The following KCNA2 variants were observed in gnomAD, a reference collection of about 807,000 sequenced individuals.
KCNA2 encodes the protein potassium voltage-gated channel subfamily A member 2.
A neutral mutation model predicts 33.4 loss-of-function variants in KCNA2; 11 were observed. The observed-to-expected ratio is 0.33, with a 90% CI of 0.21 to 0.55. The LOEUF (loss-of-function observed/expected upper bound fraction) is 0.55. KCNA2 is among the 20% of genes least tolerant of loss of function. The pLI is 0.93. For missense variants in KCNA2, 291 were observed against 621.6 expected, an observed-to-expected ratio of 0.47 and a Z score of 5.66; for synonymous variants, 222 against 231.3, an observed-to-expected ratio of 0.96 and a Z score of 0.37.
Position 110,597,926 on chromosome 1 carries a change from C to T in KCNA2, c.*5357G>A. The T allele has an allele frequency of 1.0e-6, 1 of 985,372 alleles. No homozygotes were observed. Among genetic ancestry groups the T allele is most frequent in the Non-Finnish European group, 1.2e-6 (1 of 829,926 alleles). The allele number at this position is 985,372 out of a possible 1,614,324, so 61.0% of individuals were successfully genotyped here. A position where few individuals can be genotyped will look rare whatever the true frequency, so the allele number is the denominator to read the frequency against. The stretch of plus-strand genomic sequence containing the variant: ...TAGTTTGAGGAAGAGAACCTTCCTG[C>T]ATGTAGGGGAGCCCCTACCTCCATC... On this transcript the variant is annotated 3_prime_UTR_variant, in exon 3 of 3. Coordinates refer to ENST00000316361, the MANE Select transcript of KCNA2 (RefSeq NM_004974.4).
chr1:110,617,413 T>G (rs570926979), intron 1 of KCNA2, among the ~76,000 whole-genome samples: 1 of 152,148 alleles, frequency 6.6e-6, no homozygotes, highest in South Asian at 2.1e-4. Flanking sequence ...CTTGAAGTCA[T>G]GCTGAGGAGT....
chr1:110,618,222 C>T (rs1455733901), intron 1 of KCNA2, among the ~76,000 whole-genome samples: 1 of 152,200 alleles, frequency 6.6e-6, no homozygotes, highest in Non-Finnish European at 1.5e-5. Flanking sequence ...TGGCACCCAC[C>T]TGTAGTCTTA....
rs373029836 is a variant in KCNA2, at chr1:110,619,512, G to C, written c.-496+11883C>G. ...AAGACAGACGCACGAGCTGCCACTG[G>C]CCGCCAGGGGGCGCCACATGCAGCG... On this transcript the variant is annotated intron_variant, in intron 1 of 4. Transcript: ENST00000369770. Among the ~76,000 whole-genome samples the C allele has an allele frequency of 1.6e-3, 243 of 152,350 alleles. 2 individuals carry two copies. The highest frequency in any genetic ancestry group is 5.7e-3 in the African/African-American group (235 of 41,584).
At chr1:110,611,036 G>GGAAGGAAGGAAA (rs1649852372), upstream of KCNA2, among the ~76,000 whole-genome samples, 1 of 142,542 alleles carries the variant, frequency 7.0e-6, no homozygotes, top group Non-Finnish European at 1.6e-5. Flanking sequence ...AAGGAAGGAA[G>GGAAGGAAGGAAA]GAAGGAAGGA....
chr1:110,614,981 A>C (rs1016312799), intron 1 of KCNA2, among the ~76,000 whole-genome samples: 9 of 152,266 alleles, frequency 5.9e-5, no homozygotes, highest in African/African-American at 2.2e-4. Context: ...TCCTGCAAAC[A>C]TTCCAAACAG....
chr1:110,607,360 T>C (rs1019011782), upstream of KCNA2: 6 of 150,806 alleles, frequency 4.0e-5, no homozygotes, highest in African/African-American at 1.5e-4. Context: ...GAGCCGGCTC[T>C]GCAGTCCCGC....
Position 110,601,323 on chromosome 1 carries a change from A to G in KCNA2, c.*1960T>C. 1 of 985,406 alleles carries G rather than the reference A, an allele frequency of 1.0e-6. No homozygotes were observed. The highest frequency in any genetic ancestry group is 1.2e-6 in the Non-Finnish European group (1 of 829,914). 61.0% of individuals were successfully genotyped at this position (985,406 alleles called of 1,614,324 possible). On this transcript the variant is annotated 3_prime_UTR_variant, in exon 3 of 3. Coordinates refer to ENST00000316361, the MANE Select transcript of KCNA2 (RefSeq NM_004974.4). ...GTCCAGATCAGTGGAATTTGGTCCC[A>G]GGGAGTCCTACTCCTTGGTGTCCTT...
rs1230139562 is a variant in KCNA2 at position 110,599,289 on chromosome 1, T to C, written c.*3994A>G. The C allele has an allele frequency of 1.2e-5, 12 of 983,752 alleles. No individual in the cohort carries two copies. In the South Asian group the frequency reaches 3.3e-4, roughly 27 times the overall value. 60.9% of individuals were successfully genotyped at this position (983,752 alleles called of 1,614,324 possible). A position where few individuals can be genotyped will look rare whatever the true frequency, so the allele number is the denominator to read the frequency against. The stretch of plus-strand genomic sequence containing the variant: ...AACCAGCTCCAAGAGTAATCCAAAA[T>C]GGTGGGTAATCTTAGAAAGTATTTA... On this transcript the variant is annotated 3_prime_UTR_variant, in exon 3 of 3. Coordinates refer to ENST00000316361, the MANE Select transcript of KCNA2 (RefSeq NM_004974.4).
intron 1 of KCNA2, among the ~76,000 whole-genome samples, chr1:110,623,226 T>A (rs1415997787): frequency 6.6e-6 from 1 of 152,170 alleles, no homozygotes; most frequent in African/African-American, 2.4e-5. Context: ...TTTCAACAAA[T>A]GGCGCTCGAA....
chr1:110,622,489 C>G (rs527577338), intron 1 of KCNA2, among the ~76,000 whole-genome samples: 1 of 152,064 alleles, frequency 6.6e-6, no homozygotes, highest in South Asian at 2.1e-4. Context: ...AGCTTGTACC[C>G]AGCACAATAA....
chr1:110,597,356 C>T lies in KCNA2; in HGVS notation c.*5927G>A. ...TTGGGAAGTGCTTTCGTGTAGGCTT[C>T]CATTACATCTGCCAGACTGAGGGAA... On this transcript the variant is annotated 3_prime_UTR_variant, in exon 3 of 3. Transcript: ENST00000316361. 1 of 985,340 alleles carries T rather than the reference C, an allele frequency of 1.0e-6. No individual in the cohort carries two copies. The highest frequency in any genetic ancestry group is 1.2e-6 in the Non-Finnish European group (1 of 829,916). The allele number at this position is 985,340 out of a possible 1,614,324, so 61.0% of individuals were successfully genotyped here. A position where few individuals can be genotyped will look rare whatever the true frequency, so the allele number is the denominator to read the frequency against.
chr1:110,606,184 CCA>C (rs745341619), intron 1 of KCNA2, 42 bp downstream of exon 1: 1 of 152,770 alleles, frequency 6.5e-6, no homozygotes, highest in South Asian at 2.1e-4. Context: ...TAGGGAGACC[CCA>C]CACAACAAAG....
chr1:110,627,781 G>A (rs938078501), intron 1 of KCNA2, among the ~76,000 whole-genome samples: 2 of 151,088 alleles, frequency 1.3e-5, no homozygotes, highest in Non-Finnish European at 2.9e-5. Flanking sequence ...AGTGAGCCAC[G>A]ATCCCACCAC....
At position 110,602,558 on chromosome 1, in the gene KCNA2, G is replaced by C. The variant is rs1301759084; in HGVS notation, c.*725C>G. On this transcript the variant is annotated 3_prime_UTR_variant, in exon 3 of 3. Transcript: ENST00000316361. ...CAAAAATGGTGAAATCAGAGGCTTA[G>C]AGGTCTGTTGGTTTGTTAGCTTCTC... 1 of 1,045,222 alleles carries C rather than the reference G, an allele frequency of 9.6e-7. No individual in the cohort carries two copies. Among genetic ancestry groups the C allele is most frequent in the East Asian group, 8.2e-5 (1 of 12,238 alleles). The allele number at this position is 1,045,222 out of a possible 1,614,324, so 64.7% of individuals were successfully genotyped here.
chr1:110,620,900 C>G (rs1319748710), intron 1 of KCNA2, among the ~76,000 whole-genome samples: 4 of 152,148 alleles, frequency 2.6e-5, no homozygotes, highest in Non-Finnish European at 5.9e-5. Context: ...TTGTAACAAC[C>G]AACATAGCTT....
chr1:110,618,320 C>T (rs1458029593), intron 1 of KCNA2, among the ~76,000 whole-genome samples: 1 of 152,214 alleles, frequency 6.6e-6, no homozygotes, highest in Admixed American at 6.5e-5. Context: ...GCACTCCTGG[C>T]TGACATGTGA....
intron 1 of KCNA2, among the ~76,000 whole-genome samples, chr1:110,616,943 G>T (rs537370649): frequency 1.3e-5 from 2 of 152,356 alleles, no homozygotes; most frequent in African/African-American, 4.8e-5. Context: ...GAAGAATAAA[G>T]TACAAAAGCA....
chr1:110,605,794 G>C (rs77148768), intron 1 of KCNA2, 72 bp from the exon 2 acceptor site: 6,598 of 152,420 alleles, frequency 0.043, 172 homozygotes, highest in Non-Finnish European at 0.066. Flanking sequence ...GGAGGGTCTG[G>C]CAGCTTCCCT....
chr1:110,603,391 A>C lies in KCNA2; in HGVS notation c.1392T>G (p.Gly464=), dbSNP rs115456625. ...SKSDYMEIQE[G]VNNSNEDFRE... Reference sequence around the variant, plus strand: ...TAAAGTCCTCATTACTGTTATTTACACCCTCCTGGATCTCCATGTAATCAG... The same window carrying C: ...TAAAGTCCTCATTACTGTTATTTACCCCCTCCTGGATCTCCATGTAATCAG... The change falls in exon 3 of 3, where the codon GGT becomes GGG. Residue 464 remains glycine, a synonymous_variant. Transcript: ENST00000316361. The surrounding 1 kb of genome is among the most constrained non-coding windows in gnomAD (Gnocchi z 5.7). 2,618 of 1,614,078 alleles carry C rather than the reference A, an allele frequency of 1.6e-3. 39 individuals carry two copies. In the African/African-American group the frequency reaches 0.032, roughly 20 times the overall value.
Sources: allele counts gnomAD v4.1 joint callset (sites outside exome capture counted in the v4.1 genomes callset), GRCh38; gene constraint gnomAD v4.1.1; non-coding constraint Gnocchi (gnomAD v3.1); transcripts MANE v1.5; gene names NCBI Gene and HGNC (gene_info 2026-07-23, HGNC 2026-07-21).